Variants in CACNA1D observed in about 807,000 individuals in gnomAD.
CACNA1D encodes calcium voltage-gated channel subunit alpha1 D, also known as voltage-dependent L-type calcium channel subunit alpha-1D.
A neutral mutation model predicts 257.1 loss-of-function variants in CACNA1D; 55 were observed. That is an observed-to-expected ratio of 0.21 (90% CI 0.17 to 0.27). CACNA1D has a LOEUF of 0.27. CACNA1D is among the 10% of genes least tolerant of loss of function. The pLI is 1.00. For missense variants in CACNA1D, 1,876 were observed against 2,784.0 expected, an observed-to-expected ratio of 0.67 and a Z score of 7.34; for synonymous variants, 980 against 1,014.9, an observed-to-expected ratio of 0.97 and a Z score of 0.65.
At chr3:53,662,076 C>A (rs2094209043) in intron 5 of CACNA1D, among the ~76,000 whole-genome samples, 1 of 152,128 alleles carries the variant, frequency 6.6e-6, no homozygotes, top group South Asian at 2.1e-4. Context: ...CTGCTGATTT[C>A]TTCTCTAGTA....
rs2094504722 is a variant in CACNA1D, at chr3:53,689,935, C to T, written c.1221-12706C>T. On this transcript the variant is annotated intron_variant, in intron 8 of 47. Coordinates refer to ENST00000350061, the MANE Select transcript of CACNA1D (RefSeq NM_001128840.3). ...TTGGCTTCTCAAAGCCCTGGAATTA[C>T]AGGTATGAGCCACTGCACCCGGCTA... 2.0e-5 allele frequency among the ~76,000 whole-genome samples: 3 copies of T among 152,210 alleles called. No homozygotes were observed. The South Asian group carries it at 6.2e-4, about 31-fold the overall frequency.
At chr3:53,570,369 C>T (rs1314559665) in intron 3 of CACNA1D, among the ~76,000 whole-genome samples, 1 of 152,184 alleles carries the variant, frequency 6.6e-6, no homozygotes, top group Non-Finnish European at 1.5e-5. Flanking sequence ...ATACAGTAAA[C>T]ACTCCATGAA....
chr3:53,809,068 G>C (rs927962201), intron 46 of CACNA1D: 7 of 424,876 alleles, frequency 1.6e-5, no homozygotes, highest in East Asian at 4.7e-5. Flanking sequence ...ATTGAATACA[G>C]AGCCTGATGT....
intron 2 of CACNA1D, 122 bp downstream of exon 2, chr3:53,497,583 A>G (rs529092426): frequency 1.4e-5 from 14 of 1,005,782 alleles, no homozygotes; most frequent in East Asian, 7.3e-5. Context: ...CAGAAGTTGT[A>G]TATAAGGGGT....
At chr3:53,582,588 T>C (rs569053684) in intron 3 of CACNA1D, among the ~76,000 whole-genome samples, 1 of 152,116 alleles carries the variant, frequency 6.6e-6, no homozygotes, top group Admixed American at 6.5e-5. Context: ...AAGTAGTAGA[T>C]GAGAAGGGTC....
intron 3 of CACNA1D, among the ~76,000 whole-genome samples, chr3:53,531,916 A>G (rs2091964055): frequency 6.6e-6 from 1 of 152,172 alleles, no homozygotes; most frequent in Non-Finnish European, 1.5e-5. Context: ...TGTATGTTGC[A>G]TGCCCAGCAG....
At chr3:53,767,999 T>A (rs1159206182) in intron 30 of CACNA1D, among the ~76,000 whole-genome samples, 1 of 152,226 alleles carries the variant, frequency 6.6e-6, no homozygotes, top group Non-Finnish European at 1.5e-5. Flanking sequence ...TCCTCTTCCC[T>A]TTTGTTCTTT....
chr3:53,555,602 G>A (rs1229279133), intron 3 of CACNA1D, among the ~76,000 whole-genome samples: 3 of 151,218 alleles, frequency 2.0e-5, no homozygotes, highest in East Asian at 2.0e-4. Context: ...ATTGGCACAT[G>A]TCTTTTTTCT....
rs565927578 is a variant in CACNA1D, at chr3:53,656,994, G to A, written c.624-3139G>A. Among the ~76,000 whole-genome samples the A allele has an allele frequency of 5.9e-5, 9 of 152,054 alleles. No homozygotes were observed. The East Asian group carries it at 1.2e-3, about 20-fold the overall frequency. ...GGTATAATCACTTTGGAAAAAATGC[G>A]CCCATTTCTTACAGTGTTAAACATA... On this transcript the variant is annotated intron_variant, in intron 4 of 47. Transcript: ENST00000350061.
chr3:53,588,510 T>C (rs1045666466), intron 3 of CACNA1D, among the ~76,000 whole-genome samples: 1 of 152,044 alleles, frequency 6.6e-6, no homozygotes, highest in Admixed American at 6.6e-5. Flanking sequence ...AGTAGAGAAA[T>C]GCTTCCCAGA....
At chr3:53,639,489 T>C in intron 3 of CACNA1D, among the ~76,000 whole-genome samples, 1 of 151,628 alleles carries the variant, frequency 6.6e-6, no homozygotes, top group Non-Finnish European at 1.5e-5. Flanking sequence ...TGGGTTCAAG[T>C]GATTCTCCTG....
In CACNA1D at chr3:53,810,062, G is replaced by A. The variant is rs756101464; in HGVS notation, c.5956G>A (p.Ala1986Thr). 11 of 1,613,792 alleles carry A rather than the reference G, an allele frequency of 6.8e-6. No homozygotes were observed. The highest frequency in any genetic ancestry group is 9.3e-6 in the Non-Finnish European group (11 of 1,180,010). The change falls in exon 47 of 48, where the codon GCA (alanine) becomes ACA (threonine). Residue 1986 changes from alanine (A) to threonine (T), a missense_variant. Physicochemically the swap from Ala to Thr is moderately conservative, Grantham distance 58. This residue lies in a region of CACNA1D where 491 missense variants were observed against 554.3 expected (regional missense o/e 0.89). Transcript: ENST00000350061. ...GACCCGGTCGTGGGCCACCCCTCCA[G>A]CAACCCCTCCCTACCGGGACTGGAC... Reference protein sequence around the residue: ...HSTRSWATPPATPPYRDWTPC... With the variant: ...HSTRSWATPPTTPPYRDWTPC...
intron 7 of CACNA1D, among the ~76,000 whole-genome samples, chr3:53,668,112 C>T (rs2094287210): frequency 6.6e-6 from 1 of 152,016 alleles, no homozygotes; most frequent in African/African-American, 2.4e-5. Context: ...CTGATACTTC[C>T]CCTCCCCAAA....
intron 3 of CACNA1D, among the ~76,000 whole-genome samples, chr3:53,514,546 G>A (rs914214567): frequency 3.9e-5 from 6 of 152,146 alleles, no homozygotes; most frequent in South Asian, 2.1e-4. Flanking sequence ...TTCTGCATCT[G>A]CTCTTTCTCT....
chr3:53,803,425 C>T lies in CACNA1D; in HGVS notation c.5438C>T (p.Ser1813Phe), dbSNP rs1461853086. 3.1e-6 allele frequency: 5 copies of T among 1,614,090 alleles called. No homozygotes were observed. Among genetic ancestry groups the T allele is most frequent in the Non-Finnish European group, 4.2e-6 (5 of 1,180,046 alleles). ...RTRYYETYIR[S>F]DSGDEQLPTI... ...CAGATCCTCTCTCCCAACTGCAGGTCCGACTCAGGAGATGAACAGCTCCCA... is the reference window on the plus strand; with the variant it reads ...CAGATCCTCTCTCCCAACTGCAGGTTCGACTCAGGAGATGAACAGCTCCCA... The change falls in exon 44 of 48, where the codon TCC becomes TTC. Residue 1813 changes from serine (S) to phenylalanine (F), a missense_variant and splice_region_variant. Physicochemically the swap from Ser to Phe is radical, Grantham distance 155. Coordinates refer to ENST00000350061, the MANE Select transcript of CACNA1D (RefSeq NM_001128840.3).
chr3:53,551,813 G>A (rs1435666917), intron 3 of CACNA1D, among the ~76,000 whole-genome samples: 4 of 152,136 alleles, frequency 2.6e-5, no homozygotes, highest in Non-Finnish European at 4.4e-5. Context: ...CCTCCTCCTC[G>A]ATCTCCCACT....
At chr3:53,574,762 A>G (rs1395287080) in intron 3 of CACNA1D, among the ~76,000 whole-genome samples, 1 of 151,574 alleles carries the variant, frequency 6.6e-6, no homozygotes, top group Non-Finnish European at 1.5e-5. Flanking sequence ...CACTAATTAC[A>G]CACACACACC....
At chr3:53,598,878 G>A (rs925961008) in intron 3 of CACNA1D, among the ~76,000 whole-genome samples, 22 of 152,212 alleles carry the variant, frequency 1.4e-4, no homozygotes, top group Admixed American at 1.4e-3. Flanking sequence ...TGTCATCTTG[G>A]AAGATCTTTC....
At chr3:53,808,126 C>T (rs2095576352) in intron 45 of CACNA1D, 2 of 171,114 alleles carry the variant, frequency 1.2e-5, no homozygotes, top group African/African-American at 4.8e-5. Context: ...TGCCTTCACT[C>T]CTCCTCCTGA....
Sources: gnomAD v4.1 joint callset for allele counts (sites outside exome capture counted in the v4.1 genomes callset) on GRCh38, gnomAD v4.1.1 for gene constraint, gnomAD v4.1.1 regional missense constraint, MANE v1.5 for transcripts, NCBI Gene and HGNC (gene_info 2026-07-23, HGNC 2026-07-21) for gene names.